Variants in OSBPL9 observed in about 807,000 individuals in gnomAD.
OSBPL9 encodes oxysterol binding protein like 9.
A neutral mutation model predicts 106.6 loss-of-function variants in OSBPL9; 40 were observed. The ratio of observed to expected loss-of-function variants is 0.38; its 90% CI spans 0.29 to 0.49. OSBPL9 has a LOEUF of 0.49. Among genes scored for constraint, OSBPL9 ranks in the 20% least tolerant of loss-of-function variants. The probability of loss-of-function intolerance (pLI) is 0.97; values close to 1 mark genes in which losing one functional copy is unlikely to be tolerated. For missense variants in OSBPL9, 609 were observed against 887.2 expected, an observed-to-expected ratio of 0.69 and a Z score of 3.98; for synonymous variants, 269 against 295.4, an observed-to-expected ratio of 0.91 and a Z score of 0.92.
At chr1:51,539,313 T>G in the OSBPL9 span, among the ~76,000 whole-genome samples, 1 of 152,178 alleles carries the variant, frequency 6.6e-6, no homozygotes, top group Non-Finnish European at 1.5e-5. Flanking sequence ...GATTCTTCCA[T>G]TTTCCTCAAC....
Position 51,788,456 on chromosome 1 carries a change from CTTT to C in OSBPL9, c.*673_*675del, listed in dbSNP as rs1318845190. ...GGCTTCATAAAGTAATTTTTCCAACCTTTTTTTTAAAAATGTGCATCTTTTATT... is the reference window on the plus strand; with the variant it reads ...GGCTTCATAAAGTAATTTTTCCAACCTTTTTAAAAATGTGCATCTTTTATT... On this transcript the variant is annotated 3_prime_UTR_variant, in exon 24 of 24. Transcript: ENST00000428468. 1 of 152,268 alleles carries C rather than the reference CTTT, an allele frequency of 6.6e-6. No individual in the cohort carries two copies. The highest frequency in any genetic ancestry group is 1.5e-5 in the Non-Finnish European group (1 of 67,952). The allele number at this position is 152,268 out of a possible 1,614,324, so 9.4% of individuals were successfully genotyped here.
At chr1:51,544,427 T>G in the OSBPL9 span, among the ~76,000 whole-genome samples, 2 of 152,248 alleles carry the variant, frequency 1.3e-5, no homozygotes, top group Non-Finnish European at 2.9e-5. Context: ...GGACTGGTAC[T>G]CTGTGTTTCC....
intron 3 of OSBPL9, among the ~76,000 whole-genome samples, chr1:51,711,338 G>C (rs957238443): frequency 1.4e-5 from 2 of 146,798 alleles, no homozygotes; most frequent in African/African-American, 5.1e-5. Context: ...GCAGGGGGCT[G>C]ACCCCCCCAC....
chr1:51,658,093 G>A (rs1449889961), intron 2 of OSBPL9, among the ~76,000 whole-genome samples: 2 of 150,434 alleles, frequency 1.3e-5, no homozygotes, highest in East Asian at 1.9e-4. Context: ...GGGTAACAGA[G>A]CAAGACCCTG....
chr1:51,566,025 G>A, the OSBPL9 span: 2 of 152,146 alleles, frequency 1.3e-5, no homozygotes, highest in African/African-American at 4.8e-5. Flanking sequence ...TAACTTAAGA[G>A]TCAAAAAGAT....
the OSBPL9 span, among the ~76,000 whole-genome samples, chr1:51,556,792 A>T: frequency 3.1e-5 from 4 of 130,002 alleles, no homozygotes; most frequent in South Asian, 1.0e-3. Flanking sequence ...TCTCAAAGAA[A>T]CAAAAAAAAA....
intron 3 of OSBPL9, among the ~76,000 whole-genome samples, chr1:51,690,947 T>C (rs1654827859): frequency 1.3e-5 from 2 of 152,234 alleles, no homozygotes; most frequent in Non-Finnish European, 2.9e-5. Flanking sequence ...GCTACAAGCC[T>C]GTAGAGTATT....
At chr1:51,652,309 C>A (rs2148707611) in intron 2 of OSBPL9, among the ~76,000 whole-genome samples, 1 of 152,214 alleles carries the variant, frequency 6.6e-6, no homozygotes, top group Non-Finnish European at 1.5e-5. Context: ...ACTTTACAGA[C>A]AAGAGACAAG....
At chr1:51,576,459 T>C (rs75871420), upstream of OSBPL9, among the ~76,000 whole-genome samples, 6,018 of 152,328 alleles carry the variant, frequency 0.04, 173 homozygotes, top group Non-Finnish European at 0.062. Flanking sequence ...TTCATGCTCA[T>C]GGACAATGCT....
chr1:51,534,376 T>A, the OSBPL9 span, among the ~76,000 whole-genome samples: 3 of 152,242 alleles, frequency 2.0e-5, no homozygotes, highest in Non-Finnish European at 2.9e-5. Context: ...TCTATGGCAA[T>A]GATAATGTTG....
chr1:51,662,952 G>A (rs1647421240), intron 2 of OSBPL9, among the ~76,000 whole-genome samples: 1 of 151,950 alleles, frequency 6.6e-6, no homozygotes. Flanking sequence ...CACCGTGTTA[G>A]CCAGGATGGT....
intron 12 of OSBPL9, among the ~76,000 whole-genome samples, chr1:51,770,568 A>G (rs1673648186): frequency 6.6e-6 from 1 of 152,170 alleles, no homozygotes; most frequent in Non-Finnish European, 1.5e-5. Context: ...GTGAGCCATC[A>G]TGCCTGGCCC....
intron 1 of OSBPL9, among the ~76,000 whole-genome samples, chr1:51,622,038 G>A (rs1397122414): frequency 6.6e-6 from 1 of 151,900 alleles, no homozygotes; most frequent in African/African-American, 2.4e-5. Flanking sequence ...TTATTTTAAA[G>A]AATATGGTTG....
intron 14 of OSBPL9, 112 bp downstream of exon 14, chr1:51,772,835 GTCT>G (rs1674233397): frequency 3.9e-6 from 3 of 766,598 alleles, no homozygotes; most frequent in Non-Finnish European, 6.9e-6. Context: ...TTATACCTGT[GTCT>G]TCTTGTGATT....
At chr1:51,688,773 T>C (rs1320887920) in intron 3 of OSBPL9, among the ~76,000 whole-genome samples, 2 of 152,192 alleles carry the variant, frequency 1.3e-5, no homozygotes, top group African/African-American at 2.4e-5. Flanking sequence ...TTTTACTATA[T>C]ATAGATTGTG....
Position 51,787,483 on chromosome 1 carries a change from A to C in OSBPL9, c.2131A>C (p.Thr711Pro). ...GAAGGAGAAGGAAATTCAGTGGGAG[A>C]CAAGGGTAAGCTTGCCTGCCCCACC... ...ERKEKEIQWETRLFHEDGECW... is the reference protein window; with the variant it reads ...ERKEKEIQWEPRLFHEDGECW... Residue 711 changes from threonine (T) to proline (P), a missense_variant, in exon 23 of 24, where the codon ACA becomes CCA. Transcript: ENST00000428468. 6.2e-7 allele frequency: 1 copy of C among 1,613,960 alleles called. No individual in the cohort carries two copies. Among genetic ancestry groups the C allele is most frequent in the Non-Finnish European group, 8.5e-7 (1 of 1,179,880 alleles).
chr1:51,751,814 T>C (rs756329792), intron 8 of OSBPL9, among the ~76,000 whole-genome samples: 2 of 152,238 alleles, frequency 1.3e-5, no homozygotes, highest in Non-Finnish European at 2.9e-5. Flanking sequence ...GCTCACTGTT[T>C]AGCCACTCAT....
the OSBPL9 span, among the ~76,000 whole-genome samples, chr1:51,559,323 C>T: frequency 2.4e-4 from 36 of 152,080 alleles, no homozygotes; most frequent in African/African-American, 8.4e-4. Context: ...TGGAGTAGGA[C>T]CTGTGAGTGT....
intron 1 of OSBPL9, among the ~76,000 whole-genome samples, chr1:51,593,719 C>T (rs1645287298): frequency 6.6e-6 from 1 of 152,030 alleles, no homozygotes; most frequent in South Asian, 2.1e-4. Flanking sequence ...AACAGTATTA[C>T]TTGTATCACC....
Sources: gnomAD v4.1 joint callset for allele counts (sites outside exome capture counted in the v4.1 genomes callset) on GRCh38, gnomAD v4.1.1 for gene constraint, MANE v1.5 for transcripts, NCBI Gene and HGNC (gene_info 2026-07-23, HGNC 2026-07-21) for gene names.